The following PLEKHA7 variants were observed in gnomAD, a reference collection of about 807,000 sequenced individuals.
PLEKHA7 encodes pleckstrin homology domain containing A7.
In PLEKHA7, 104 loss-of-function variants were observed where a neutral mutation model predicts 170.0. The ratio of observed to expected loss-of-function variants is 0.61; its 90% CI spans 0.52 to 0.72. The LOEUF is 0.72. Among genes scored for constraint, PLEKHA7 ranks in the 30% least tolerant of loss-of-function variants. PLEKHA7 has a pLI of 0.00. For synonymous variants in PLEKHA7, 648 were observed against 660.8 expected, an observed-to-expected ratio of 0.98 and a Z score of 0.30; for missense variants, 1,615 against 1,671.7, an observed-to-expected ratio of 0.97 and a Z score of 0.59.
At chr11:16,975,771 T>C (rs1004692988) in intron 3 of PLEKHA7, among the ~76,000 whole-genome samples, 1 of 152,242 alleles carries the variant, frequency 6.6e-6, no homozygotes, top group Non-Finnish European at 1.5e-5. Context: ...TTTTATTTTC[T>C]TGTTGCTTGT....
At chr11:16,882,001 G>A (rs1855751716) in intron 3 of PLEKHA7, among the ~76,000 whole-genome samples, 1 of 152,146 alleles carries the variant, frequency 6.6e-6, no homozygotes, top group Non-Finnish European at 1.5e-5. Flanking sequence ...GCACCAAAGT[G>A]AAAGATCAAC....
intron 4 of PLEKHA7, among the ~76,000 whole-genome samples, chr11:16,870,267 G>A (rs1179267934): frequency 6.6e-6 from 1 of 152,018 alleles, no homozygotes; most frequent in Non-Finnish European, 1.5e-5. Flanking sequence ...GGCTGATTCA[G>A]CTCAGTCTGA....
chr11:16,928,688 C>G (rs1417472709), intron 3 of PLEKHA7, among the ~76,000 whole-genome samples: 1 of 151,926 alleles, frequency 6.6e-6, no homozygotes, highest in Non-Finnish European at 1.5e-5. Flanking sequence ...ATCCTGGGCT[C>G]AAGTGATCCT....
At chr11:16,931,781 G>GGAA (rs1331298458) in intron 3 of PLEKHA7, among the ~76,000 whole-genome samples, 1 of 149,902 alleles carries the variant, frequency 6.7e-6, no homozygotes, top group Non-Finnish European at 1.5e-5. Context: ...AAAAAAAAAG[G>GGAA]GAAGAAGAAG....
chr11:16,779,315 A>G (rs1360532983), intron 26 of PLEKHA7, among the ~76,000 whole-genome samples: 1 of 152,202 alleles, frequency 6.6e-6, no homozygotes, highest in Non-Finnish European at 1.5e-5. Flanking sequence ...CATTCTTTCA[A>G]TGTGGGTAGC....
intron 3 of PLEKHA7, among the ~76,000 whole-genome samples, chr11:17,013,685 G>A (rs1294649721): frequency 1.3e-5 from 2 of 152,226 alleles, no homozygotes; most frequent in Non-Finnish European, 2.9e-5. Context: ...AGACCCTAGA[G>A]GGGAGGCGTG....
chr11:16,872,127 C>T (rs1221001807), intron 3 of PLEKHA7, among the ~76,000 whole-genome samples: 1 of 151,980 alleles, frequency 6.6e-6, no homozygotes, highest in African/African-American at 2.4e-5. Flanking sequence ...CACTACCACG[C>T]CCGGCTTATT....
intron 3 of PLEKHA7, among the ~76,000 whole-genome samples, chr11:16,998,383 G>A (rs775382359): frequency 1.6e-4 from 24 of 152,078 alleles, no homozygotes; most frequent in Admixed American, 3.3e-4. Flanking sequence ...CCTCCCCAAG[G>A]AGCAACCTGG....
At chr11:16,925,638 C>G (rs4756874) in intron 3 of PLEKHA7, among the ~76,000 whole-genome samples, 1 of 152,316 alleles carries the variant, frequency 6.6e-6, no homozygotes, top group Admixed American at 6.5e-5. Flanking sequence ...GGGCGGGCCA[C>G]CGGTCAGCGG....
intron 3 of PLEKHA7, among the ~76,000 whole-genome samples, chr11:16,997,545 T>C (rs1864413741): frequency 6.6e-6 from 1 of 152,132 alleles, no homozygotes; most frequent in South Asian, 2.1e-4. Context: ...AGACAGTGAC[T>C]TCCTTCACTC....
At chr11:16,828,947 A>G (rs1850882148) in intron 9 of PLEKHA7, among the ~76,000 whole-genome samples, 1 of 152,208 alleles carries the variant, frequency 6.6e-6, no homozygotes, top group Admixed American at 6.5e-5. Flanking sequence ...TTAAGCTCCT[A>G]CATCTAACCA....
At chr11:16,849,976 G>A (rs760854992) in intron 8 of PLEKHA7, among the ~76,000 whole-genome samples, 4 of 152,150 alleles carry the variant, frequency 2.6e-5, no homozygotes, top group African/African-American at 4.8e-5. Context: ...GTAGAAGGAA[G>A]ATGAGACTGA....
intron 3 of PLEKHA7, among the ~76,000 whole-genome samples, chr11:16,887,387 T>TCCCTCTCCCCACGGTCTGCCTCC (rs1565072208): frequency 9.6e-6 from 1 of 104,152 alleles, no homozygotes; most frequent in African/African-American, 3.0e-5. Flanking sequence ...GGTCTGCCTC[T>TCCCTCTCCCCACGGTCTGCCTCC]CCCTCTCCCC....
rs1210741540 is a variant in PLEKHA7, at chr11:16,778,569, T to A, written c.*429A>T. 1 of 216,462 alleles carries A rather than the reference T, an allele frequency of 4.6e-6. No individual in the cohort carries two copies. Among genetic ancestry groups the A allele is most frequent in the Admixed American group, 5.1e-5 (1 of 19,628 alleles). The allele number at this position is 216,462 out of a possible 1,614,324, so 13.4% of individuals were successfully genotyped here. ...TGGGAACACCTCTTTAAATCTCACT[T>A]TCTCCTGAGGTCATTGGAAGTTGGA... On this transcript the variant is annotated 3_prime_UTR_variant, in exon 27 of 27. Transcript: ENST00000531066.
At chr11:16,931,294 C>T (rs1474451554) in intron 3 of PLEKHA7, among the ~76,000 whole-genome samples, 1 of 152,120 alleles carries the variant, frequency 6.6e-6, no homozygotes, top group African/African-American at 2.4e-5. Context: ...TTTTAGCAAA[C>T]CCTCAGTGAT....
At position 16,916,555 on chromosome 11, in the gene PLEKHA7, G is replaced by A. The variant is rs559645651; in HGVS notation, c.222-45373C>T. ...TTTTGAAGATTAGATCGGACAATGT[G>A]TAAAAAAGCCACGGCAGTGCCTGGA... On this transcript the variant is annotated intron_variant, in intron 3 of 26. Coordinates refer to ENST00000531066, the MANE Select transcript of PLEKHA7 (RefSeq NM_001329630.2). 2.0e-5 allele frequency among the ~76,000 whole-genome samples: 3 copies of A among 152,250 alleles called. No homozygotes were observed. In the East Asian group the frequency reaches 5.8e-4, roughly 29 times the overall value.
At chr11:16,976,044 G>A (rs1356728236) in intron 3 of PLEKHA7, among the ~76,000 whole-genome samples, 5 of 152,194 alleles carry the variant, frequency 3.3e-5, no homozygotes. Flanking sequence ...GGCCCCTTTT[G>A]GCTCAGCCCT....
chr11:16,926,911 A>G (rs1859592157), intron 3 of PLEKHA7, among the ~76,000 whole-genome samples: 1 of 152,216 alleles, frequency 6.6e-6, no homozygotes, highest in South Asian at 2.1e-4. Context: ...AGCGCTGTAC[A>G]GGAATTTGGG....
At chr11:16,908,158 C>T (rs890315088) in intron 3 of PLEKHA7, among the ~76,000 whole-genome samples, 20 of 150,922 alleles carry the variant, frequency 1.3e-4, no homozygotes, top group African/African-American at 4.9e-4. Flanking sequence ...CCTAGGAAAA[C>T]CAGAGACCTT....
Sources: allele counts gnomAD v4.1 joint callset (sites outside exome capture counted in the v4.1 genomes callset), GRCh38; gene constraint gnomAD v4.1.1; transcripts MANE v1.5; gene names NCBI Gene and HGNC (gene_info 2026-07-23, HGNC 2026-07-21).